The following CAPN10 variants were observed in gnomAD, a reference collection of about 807,000 sequenced individuals.
CAPN10 encodes calpain 10.
In CAPN10, 71 loss-of-function variants were observed where a neutral mutation model predicts 78.4. The observed-to-expected ratio is 0.91, with a 90% CI of 0.75 to 1.10. CAPN10 has a LOEUF of 1.10. CAPN10 is among the 50% of genes least tolerant of loss of function. The pLI is 0.00. For synonymous variants in CAPN10, 437 were observed against 407.2 expected, an observed-to-expected ratio of 1.07 and a Z score of -0.88; for missense variants, 849 against 924.6, an observed-to-expected ratio of 0.92 and a Z score of 1.06.
Position 240,591,984 on chromosome 2 carries a change from G to A in CAPN10, c.522G>A (p.Leu174=), listed in dbSNP as rs777007492. The A allele has an allele frequency of 6.2e-7, 1 of 1,613,524 alleles. No individual in the cohort carries two copies. Among genetic ancestry groups the A allele is most frequent in the African/African-American group, 1.3e-5 (1 of 75,060 alleles). Residue 174 remains leucine (L), a synonymous_variant, in exon 4 of 12, where the codon CTG becomes CTA. Coordinates refer to ENST00000391984, the MANE Select transcript of CAPN10 (RefSeq NM_023083.4). Reference sequence around the variant, plus strand: ...GGGCCGGGCAGGTGGCGGATGCCCTGGTGGACCTGACCGGCGGCCTGGCAG... The same window carrying A: ...GGGCCGGGCAGGTGGCGGATGCCCTAGTGGACCTGACCGGCGGCCTGGCAG... ...HLWAGQVADA[L]VDLTGGLAER...
chr2:240,598,450 C>A, intron 11 of CAPN10, 53 bp downstream of exon 11: 1 of 1,599,012 alleles, frequency 6.3e-7, no homozygotes, highest in Non-Finnish European at 8.6e-7. Context: ...TGCCTGGTGG[C>A]CTAGGGTCTA....
At chr2:240,592,243 C>T (rs910362906) in intron 4 of CAPN10, 93 bp downstream of exon 4, 3 of 1,093,672 alleles carry the variant, frequency 2.7e-6, no homozygotes, top group East Asian at 2.6e-5. Context: ...TGACTGGCTA[C>T]ACAGCCCTGT....
intron 1 of CAPN10, among the ~76,000 whole-genome samples, 174 bp from the exon 2 acceptor site, chr2:240,589,169 A>G (rs1465898055): frequency 1.3e-5 from 2 of 152,174 alleles, no homozygotes; most frequent in East Asian, 3.9e-4. Context: ...AGGCATTTGA[A>G]GCCAGGAGCT....
Position 240,596,798 on chromosome 2 carries a change from G to A in CAPN10, c.1599G>A (p.Arg533=), listed in dbSNP as rs758863856. The A allele has an allele frequency of 6.2e-7, 1 of 1,613,092 alleles. No homozygotes were observed. The highest frequency in any genetic ancestry group is 8.5e-7 in the Non-Finnish European group (1 of 1,179,950). ...TCGGCCAGACGGCGGGGGGCAGCAGGAACTTTGCCTCATACCCCACCAACC... is the reference window on the plus strand; with the variant it reads ...TCGGCCAGACGGCGGGGGGCAGCAGAAACTTTGCCTCATACCCCACCAACC... The part of the protein sequence containing the change: ...WRVGQTAGGS[R]NFASYPTNPC... The change falls in exon 9 of 12, where the codon AGG becomes AGA. Residue 533 remains arginine (R), a synonymous_variant. Transcript: ENST00000391984.
chr2:240,591,377 T>C (rs561969022), intron 3 of CAPN10: 16 of 254,186 alleles, frequency 6.3e-5, no homozygotes, highest in Non-Finnish European at 1.1e-4. Flanking sequence ...TGGGGAGGAA[T>C]GAGGCTACCC....
intron 7 of CAPN10, chr2:240,596,022 G>T: frequency 6.8e-7 from 1 of 1,480,682 alleles, no homozygotes; most frequent in Non-Finnish European, 9.1e-7. Context: ...GAAGTTGCTG[G>T]AAGGCCCACT....
At position 240,586,796 on chromosome 2, in the gene CAPN10, T is replaced by TGGGCCGGGCGG. The variant is rs1182656999; in HGVS notation, c.-113_-103dup. ...TGCGGGGCCCTCGGGCTTGGAGGGC[T>TGGGCCGGGCGG]GGGCCGGGCGGGGAACGGGCGGGGC... is the stretch of plus-strand genomic sequence containing the variant. On this transcript the variant is annotated 5_prime_UTR_variant, in exon 1 of 12. Coordinates refer to ENST00000391984, the MANE Select transcript of CAPN10 (RefSeq NM_023083.4). 1 of 1,086,938 alleles carries TGGGCCGGGCGG rather than the reference T, an allele frequency of 9.2e-7. No homozygotes were observed. Among genetic ancestry groups the TGGGCCGGGCGG allele is most frequent in the African/African-American group, 1.7e-5 (1 of 60,236 alleles). 67.3% of individuals were successfully genotyped at this position (1,086,938 alleles called of 1,614,324 possible). A position where few individuals can be genotyped will look rare whatever the true frequency, so the allele number is the denominator to read the frequency against.
Position 240,590,860 on chromosome 2 carries a change from G to C in CAPN10, c.319G>C (p.Gly107Arg). Residue 107 changes from glycine (G) to arginine (R), a missense_variant, in exon 3 of 12, where the codon GGC (glycine) becomes CGC (arginine). Gly to Arg is a moderately radical substitution (Grantham distance 125). Coordinates refer to ENST00000391984, the MANE Select transcript of CAPN10 (RefSeq NM_023083.4). Reference sequence around the variant, plus strand: ...GAGCTGGGCCGACCAGGAGTACCGGGGCTCCTTCACCTGTCGCATTTGGCA... The same window carrying C: ...GAGCTGGGCCGACCAGGAGTACCGGCGCTCCTTCACCTGTCGCATTTGGCA... ...QPSWADQEYR[G>R]SFTCRIWQFG... The C allele has an allele frequency of 1.2e-6, 2 of 1,614,220 alleles. No homozygotes were observed. Among genetic ancestry groups the C allele is most frequent in the Middle Eastern group, 1.7e-4 (1 of 6,058 alleles).
chr2:240,598,631 C>G lies in CAPN10; in HGVS notation c.1990-20C>G, dbSNP rs369945902. ...GGGGCGAGTGCCACCGCTGCCCGGG[C>G]CCCCCATCTGTCTTTGCAGGTCTCC... On this transcript the variant is annotated intron_variant, in intron 11 of 11. Transcript: ENST00000391984. 3.8e-6 allele frequency: 6 copies of G among 1,571,546 alleles called. No homozygotes were observed. Among genetic ancestry groups the G allele is most frequent in the Non-Finnish European group, 4.3e-6 (5 of 1,158,552 alleles).
intron 1 of CAPN10, among the ~76,000 whole-genome samples, chr2:240,589,073 A>G (rs2093085321): frequency 6.6e-6 from 1 of 152,214 alleles, no homozygotes; most frequent in Non-Finnish European, 1.5e-5. Context: ...TTCGAAGCCA[A>G]CATTTAGCTG....
rs934382762 is a variant in CAPN10 at position 240,591,029 on chromosome 2, T to C, written c.470+18T>C. ...TACGCCAAGTGCGTGTGCTGGGGGCTGAAGGGCCTGGCCTGGGGCAAGTGG... is the reference window on the plus strand; with the variant it reads ...TACGCCAAGTGCGTGTGCTGGGGGCCGAAGGGCCTGGCCTGGGGCAAGTGG... On this transcript the variant is annotated intron_variant, in intron 3 of 11. Transcript: ENST00000391984. 1.2e-6 allele frequency: 2 copies of C among 1,609,868 alleles called. No individual in the cohort carries two copies. The highest frequency in any genetic ancestry group is 1.7e-6 in the Non-Finnish European group (2 of 1,177,292).
In CAPN10 at chr2:240,589,511, G is replaced by C. The variant is rs1415387392; in HGVS notation, c.273+37G>C. The stretch of plus-strand genomic sequence containing the variant: ...CTTCCCTGTGTTTGTCCTGGAGCCG[G>C]TTTCTTTTTGCGTTTCTCCAGCCTG... On this transcript the variant is annotated intron_variant, in intron 2 of 11. Coordinates refer to ENST00000391984, the MANE Select transcript of CAPN10 (RefSeq NM_023083.4). 3.2e-6 allele frequency: 5 copies of C among 1,573,788 alleles called. No individual in the cohort carries two copies. In the Admixed American group the frequency reaches 9.2e-5, roughly 29 times the overall value.
chr2:240,598,357 C>G lies in CAPN10; in HGVS notation c.1949C>G (p.Ser650Cys). The G allele has an allele frequency of 1.9e-6, 3 of 1,613,818 alleles. No homozygotes were observed. The change falls in exon 11 of 12, where the codon TCC (serine) becomes TGC (cysteine). Residue 650 changes from serine (S) to cysteine (C), a missense_variant. By Grantham distance (112) the Ser-to-Cys change is moderately radical. Coordinates refer to ENST00000391984, the MANE Select transcript of CAPN10 (RefSeq NM_023083.4). Reference protein sequence around the residue: ...VTIATRIDRPSIHSQEMLGQF... With the variant: ...VTIATRIDRPCIHSQEMLGQF... ...GATCTGGTGTCTCTCCACAGGCCAT[C>G]CATTCACAGCCAGGAGATGCTGGGC...
chr2:240,597,953 C>T lies in CAPN10; in HGVS notation c.1809C>T (p.Cys603=), dbSNP rs369259371. The T allele has an allele frequency of 4.7e-5, 75 of 1,612,792 alleles. No homozygotes were observed. The highest frequency in any genetic ancestry group is 1.7e-4 in the Middle Eastern group (1 of 6,058). Reference sequence around the variant, plus strand: ...TGCTGCAGGAGCCGCTGCTGAGCTGCGTGCCACATCGCTACGCCCAGGAGG... The same window carrying T: ...TGCTGCAGGAGCCGCTGCTGAGCTGTGTGCCACATCGCTACGCCCAGGAGG... The part of the protein sequence containing the change: ...PLLLQEPLLS[C]VPHRYAQEVS... Residue 603 remains cysteine, a synonymous_variant, in exon 10 of 12, where the codon TGC becomes TGT. Transcript: ENST00000391984.
At chr2:240,591,412 C>T (rs1162169824) in intron 3 of CAPN10, 18 of 230,790 alleles carry the variant, frequency 7.8e-5, no homozygotes, top group South Asian at 1.7e-4. Flanking sequence ...TTGTGTATCA[C>T]GGTGCTTGCT....
chr2:240,596,111 G>A, intron 7 of CAPN10: 1 of 1,533,780 alleles, frequency 6.5e-7, no homozygotes, highest in South Asian at 1.2e-5. Context: ...GCTCGTGTCT[G>A]GGACAGATAC....
rs763548963 is a variant in CAPN10 at position 240,596,938 on chromosome 2, T to C, written c.1739T>C (p.Phe580Ser). 6.2e-7 allele frequency: 1 copy of C among 1,613,416 alleles called. No homozygotes were observed. Among genetic ancestry groups the C allele is most frequent in the Non-Finnish European group, 8.5e-7 (1 of 1,180,020 alleles). ...TTCCACCCCATCGGCTTCCATATCT[T>C]CCAGGCAAGCTCCTTGCCCCAGGGA... ...TEFHPIGFHIFQVPEGGRSQD... is the reference protein window; with the variant it reads ...TEFHPIGFHISQVPEGGRSQD... The change falls in exon 9 of 12, where the codon TTC becomes TCC. Residue 580 changes from phenylalanine (F) to serine (S), a missense_variant. Transcript: ENST00000391984.
chr2:240,596,899 C>G lies in CAPN10; in HGVS notation c.1700C>G (p.Pro567Arg). 1 of 1,613,612 alleles carries G rather than the reference C, an allele frequency of 6.2e-7. No individual in the cohort carries two copies. Among genetic ancestry groups the G allele is most frequent in the Non-Finnish European group, 8.5e-7 (1 of 1,180,030 alleles). The change falls in exon 9 of 12, where the codon CCC becomes CGC. Residue 567 changes from proline (P) to arginine (R), a missense_variant. By Grantham distance (103) the Pro-to-Arg change is moderately radical. Transcript: ENST00000391984. Reference sequence around the variant, plus strand: ...ATCACTCTGCATCAGCACTGCCGGCCCAGTGACACCGAGTTCCACCCCATC... The same window carrying G: ...ATCACTCTGCATCAGCACTGCCGGCGCAGTGACACCGAGTTCCACCCCATC... ...VRITLHQHCR[P>R]SDTEFHPIGF...
chr2:240,594,223 C>T, intron 5 of CAPN10, 176 bp downstream of exon 5: 1 of 712,298 alleles, frequency 1.4e-6, no homozygotes, highest in Non-Finnish European at 2.2e-6. Context: ...CCTTGTGAGG[C>T]CTGGGACCAA....
Sources: allele counts gnomAD v4.1 joint callset (sites outside exome capture counted in the v4.1 genomes callset), GRCh38; gene constraint gnomAD v4.1.1; transcripts MANE v1.5; gene names NCBI Gene and HGNC (gene_info 2026-07-23, HGNC 2026-07-21).